Variants in TOP3A observed in about 807,000 individuals in gnomAD.
The protein encoded by TOP3A is DNA topoisomerase 3-alpha.
TOP3A carries 64 observed loss-of-function variants against 111.3 expected under a neutral mutation model. The ratio of observed to expected loss-of-function variants is 0.57; its 90% CI spans 0.47 to 0.71. TOP3A has a LOEUF of 0.71. Ranked by LOEUF, TOP3A falls within the 30% of genes least tolerant of loss-of-function variation. The pLI, the probability that TOP3A is intolerant of heterozygous loss-of-function variation, is 0.00. For synonymous variants in TOP3A, 484 were observed against 485.1 expected, an observed-to-expected ratio of 1.00 and a Z score of 0.03; for missense variants, 1,104 against 1,285.0, an observed-to-expected ratio of 0.86 and a Z score of 2.15.
At chr17:18,294,874 G>T in intron 9 of TOP3A, 89 bp from the exon 10 acceptor site, 1 of 869,658 alleles carries the variant, frequency 1.1e-6, no homozygotes, top group Non-Finnish European at 1.9e-6. Flanking sequence ...GTCAAATCTG[G>T]CCCGTGTCAC....
At chr17:18,275,398 G>T (rs1377229759) in intron 18 of TOP3A, among the ~76,000 whole-genome samples, 2 of 144,154 alleles carry the variant, frequency 1.4e-5, no homozygotes, top group African/African-American at 5.2e-5. Context: ...TGTCACCCAG[G>T]CTGGAGTGTG....
At chr17:18,287,457 C>T (rs181383928) in intron 13 of TOP3A, among the ~76,000 whole-genome samples, 322 of 151,998 alleles carry the variant, frequency 2.1e-3, no homozygotes, top group African/African-American at 7.3e-3. Flanking sequence ...ACCTGGGAGG[C>T]GGAGGTTGCA....
chr17:18,273,605 C>T lies in TOP3A; in HGVS notation c.*1197G>A, dbSNP rs1451045430. Among the ~76,000 whole-genome samples the T allele has an allele frequency of 1.3e-5, 2 of 152,074 alleles. No individual in the cohort carries two copies. The highest frequency in any genetic ancestry group is 4.8e-5 in the African/African-American group (2 of 41,406). ...CCAGACCCTCTGCACTCTCGCAGGT[C>T]AGAGTAAAAAAAGGTTGGATTCTTT... On this transcript the variant is annotated 3_prime_UTR_variant, in exon 19 of 19. Coordinates refer to ENST00000321105, the MANE Select transcript of TOP3A (RefSeq NM_004618.5).
intron 18 of TOP3A, among the ~76,000 whole-genome samples, chr17:18,276,272 C>T (rs1979367471): frequency 6.6e-6 from 1 of 152,192 alleles, no homozygotes; most frequent in Non-Finnish European, 1.5e-5. Context: ...CCTTCCTGTC[C>T]CCTCAACAGG....
intron 15 of TOP3A, among the ~76,000 whole-genome samples, chr17:18,284,611 A>G (rs1979975890): frequency 2.0e-5 from 3 of 152,172 alleles, no homozygotes; most frequent in African/African-American, 7.2e-5. Flanking sequence ...TCATAATATC[A>G]CAGGTAGAAA....
At chr17:18,293,160 A>G (rs1980585572) in intron 10 of TOP3A, among the ~76,000 whole-genome samples, 2 of 152,242 alleles carry the variant, frequency 1.3e-5, no homozygotes, top group African/African-American at 4.8e-5. Flanking sequence ...AGTCTGACAG[A>G]CCAGCCCTGA....
chr17:18,302,006 C>CAGAA lies in TOP3A; in HGVS notation c.815-25_815-22dup. On this transcript the variant is annotated intron_variant, in intron 7 of 18. Transcript: ENST00000321105. ...AGTTACTATATTAAGGAGAGACAAA[C>CAGAA]AGAAAGGCTGTGTCTCAGAGACATG... 4 of 1,601,788 alleles carry CAGAA rather than the reference C, an allele frequency of 2.5e-6. No homozygotes were observed. The South Asian group carries it at 3.3e-5, about 13-fold the overall frequency.
rs553256265 is a variant in TOP3A, at chr17:18,303,429, G to A, written c.500-706C>T. 2.6e-5 allele frequency among the ~76,000 whole-genome samples: 4 copies of A among 152,254 alleles called. No individual in the cohort carries two copies. In the South Asian group the frequency reaches 6.2e-4, roughly 24 times the overall value. On this transcript the variant is annotated intron_variant, in intron 5 of 18. Coordinates refer to ENST00000321105, the MANE Select transcript of TOP3A (RefSeq NM_004618.5). ...TAGTGAAAGAGTAAGGCCTCTATGC[G>A]GTTGAGATAAGAAGGCATCTGTCTC...
intron 17 of TOP3A, among the ~76,000 whole-genome samples, chr17:18,279,433 T>G (rs1479495414): frequency 6.6e-6 from 1 of 151,164 alleles, no homozygotes; most frequent in Non-Finnish European, 1.5e-5. Context: ...ATTTTTTGTA[T>G]TTTTAGTAGA....
chr17:18,294,842 T>G, intron 9 of TOP3A, 57 bp from the exon 10 acceptor site: 1 of 1,145,350 alleles, frequency 8.7e-7, no homozygotes, highest in Non-Finnish European at 1.3e-6. Flanking sequence ...GCAGCACAAC[T>G]CAAATACACA....
intron 13 of TOP3A, among the ~76,000 whole-genome samples, chr17:18,288,032 T>G (rs1386495214): frequency 2.0e-5 from 3 of 151,136 alleles, no homozygotes; most frequent in Admixed American, 6.6e-5. Flanking sequence ...AAAAACTGAC[T>G]GTGGTGATAG....
chr17:18,294,306 T>A (rs1376368517), intron 10 of TOP3A, among the ~76,000 whole-genome samples: 6 of 152,198 alleles, frequency 3.9e-5, no homozygotes, highest in Non-Finnish European at 1.5e-5. Context: ...TTTTTCCCCA[T>A]AAACTCTTAT....
Position 18,280,599 on chromosome 17 carries a change from G to A in TOP3A, c.2081C>T (p.Ser694Leu), listed in dbSNP as rs762989083. ...ECRSAVWLPD[S>L]VLEASRDSSV... ...GCTGTCCCTGCTGGCCTCCAGCACC[G>A]AGTCAGGAAGCCACACAGCTGAGCG... Residue 694 changes from serine (S) to leucine (L), a missense_variant, in exon 17 of 19, where the codon TCG (serine) becomes TTG (leucine). Physicochemically the swap from Ser to Leu is moderately radical, Grantham distance 145. Coordinates refer to ENST00000321105, the MANE Select transcript of TOP3A (RefSeq NM_004618.5). 2.1e-5 allele frequency: 34 copies of A among 1,613,958 alleles called. 1 individual carries two copies. Among genetic ancestry groups the A allele is most frequent in the South Asian group, 1.8e-4 (16 of 91,060 alleles).
At chr17:18,287,016 T>C (rs1387836890) in intron 13 of TOP3A, among the ~76,000 whole-genome samples, 1 of 151,920 alleles carries the variant, frequency 6.6e-6, no homozygotes, top group African/African-American at 2.4e-5. Flanking sequence ...ACTCCTGACC[T>C]CAAGTGATTG....
At chr17:18,302,191 T>C (rs564364240) in intron 7 of TOP3A, 73 bp downstream of exon 7, 23 of 1,514,392 alleles carry the variant, frequency 1.5e-5, no homozygotes, top group Non-Finnish European at 8.9e-7. Context: ...ATTAGTGCTA[T>C]TAATGCTCAC....
intron 9 of TOP3A, among the ~76,000 whole-genome samples, chr17:18,295,334 G>C (rs1293182385): frequency 6.6e-6 from 1 of 152,038 alleles, no homozygotes; most frequent in African/African-American, 2.4e-5. Context: ...TTTTAGTAGA[G>C]ATGGGGTTTT....
chr17:18,301,181 C>T lies in TOP3A; in HGVS notation c.915+704G>A, dbSNP rs1277442336. Among the ~76,000 whole-genome samples, 9 of 152,294 alleles carry T rather than the reference C, an allele frequency of 5.9e-5. No individual in the cohort carries two copies. In the East Asian group the frequency reaches 1.7e-3, roughly 29 times the overall value. On this transcript the variant is annotated intron_variant, in intron 8 of 18. Transcript: ENST00000321105. ...TTTACTTAAGCATGACTCTGTGCAG[C>T]CCCTGGGTTAAACCAGGCTGTTATG...
intron 13 of TOP3A, among the ~76,000 whole-genome samples, chr17:18,286,695 C>G (rs1980128618): frequency 1.3e-5 from 2 of 152,114 alleles, no homozygotes; most frequent in Admixed American, 1.3e-4. Flanking sequence ...TTGGTGGTTC[C>G]TAAAAATGTT....
intron 1 of TOP3A, among the ~76,000 whole-genome samples, chr17:18,309,967 C>T (rs1415264292): frequency 6.6e-6 from 1 of 151,628 alleles, no homozygotes; most frequent in African/African-American, 2.4e-5. Flanking sequence ...GCCTCGGCCT[C>T]CCAAAGTGCT....
Sources: allele counts gnomAD v4.1 joint callset (sites outside exome capture counted in the v4.1 genomes callset), GRCh38; gene constraint gnomAD v4.1.1; transcripts MANE v1.5; gene names NCBI Gene and HGNC (gene_info 2026-07-23, HGNC 2026-07-21).